ATRNL1: variants seen among roughly 807,000 people sequenced by gnomAD.
The protein encoded by ATRNL1 is attractin like 1, also known as attractin-like protein 1.
ATRNL1 carries 95 observed loss-of-function variants against 182.7 expected under a neutral mutation model. That is an observed-to-expected ratio of 0.52 (90% CI 0.44 to 0.62). ATRNL1 has a LOEUF of 0.62. ATRNL1 is among the 20% of genes least tolerant of loss of function. The pLI is 0.00. For missense variants in ATRNL1, 1,471 were observed against 1,679.5 expected, an observed-to-expected ratio of 0.88 and a Z score of 2.17; for synonymous variants, 576 against 568.3, an observed-to-expected ratio of 1.01 and a Z score of -0.19.
At chr10:115,554,529 C>A in intron 26 of ATRNL1, among the ~76,000 whole-genome samples, 1 of 151,570 alleles carries the variant, frequency 6.6e-6, no homozygotes, top group Middle Eastern at 3.4e-3. Flanking sequence ...ATATTATAGA[C>A]AAATTGATAA....
chr10:115,867,627 T>G (rs1001653909), intron 28 of ATRNL1, among the ~76,000 whole-genome samples: 15 of 152,322 alleles, frequency 9.8e-5, no homozygotes, highest in African/African-American at 3.4e-4. Flanking sequence ...CGCTTCCATC[T>G]TATATTTTTT....
intron 13 of ATRNL1, among the ~76,000 whole-genome samples, chr10:115,270,308 T>C (rs1263375661): frequency 7.0e-6 from 1 of 142,290 alleles, no homozygotes; most frequent in Non-Finnish European, 1.5e-5. Flanking sequence ...TATTTGTTTA[T>C]ATATTATATA....
At chr10:115,922,114 C>T (rs539551527) in intron 28 of ATRNL1, among the ~76,000 whole-genome samples, 1 of 152,132 alleles carries the variant, frequency 6.6e-6, no homozygotes, top group African/African-American at 2.4e-5. Flanking sequence ...ACCCTGCCCC[C>T]ACGTTCACTG....
At chr10:115,436,174 G>C (rs1425683079) in intron 21 of ATRNL1, among the ~76,000 whole-genome samples, 9 of 151,936 alleles carry the variant, frequency 5.9e-5, no homozygotes, top group African/African-American at 2.2e-4. Context: ...TTCAAGGTTT[G>C]TTTTCTTCAT....
At chr10:115,517,650 G>A (rs1322321457) in intron 24 of ATRNL1, among the ~76,000 whole-genome samples, 1 of 151,132 alleles carries the variant, frequency 6.6e-6, no homozygotes, top group Non-Finnish European at 1.5e-5. Context: ...TTTTCATTTA[G>A]GTATTTATCA....
intron 19 of ATRNL1, among the ~76,000 whole-genome samples, chr10:115,368,013 G>A (rs975541468): frequency 3.3e-5 from 5 of 152,102 alleles, no homozygotes; most frequent in African/African-American, 7.2e-5. Flanking sequence ...GCCTACAGAG[G>A]CAGGCAGGCC....
intron 10 of ATRNL1, among the ~76,000 whole-genome samples, chr10:115,244,858 G>T (rs1378891324): frequency 6.6e-6 from 1 of 152,068 alleles, no homozygotes; most frequent in East Asian, 1.9e-4. Flanking sequence ...TAATCAAAAA[G>T]ATAATAGAGG....
chr10:115,807,881 C>T (rs1285686653), intron 27 of ATRNL1, among the ~76,000 whole-genome samples: 4 of 152,066 alleles, frequency 2.6e-5, no homozygotes, highest in African/African-American at 7.2e-5. Context: ...CTCATCTGAG[C>T]GTGTCTTGTT....
At chr10:115,759,718 C>G (rs1948684443) in intron 27 of ATRNL1, among the ~76,000 whole-genome samples, 1 of 151,276 alleles carries the variant, frequency 6.6e-6, no homozygotes, top group Non-Finnish European at 1.5e-5. Flanking sequence ...CCCTGTCGCC[C>G]CGGCTGGAGT....
At chr10:115,203,533 G>A (rs1463806153) in intron 8 of ATRNL1, among the ~76,000 whole-genome samples, 2 of 149,950 alleles carry the variant, frequency 1.3e-5, no homozygotes, top group Non-Finnish European at 3.0e-5. Context: ...GTTTACTTTT[G>A]AGCCTCTTAG....
chr10:115,528,027 C>CTCCT (rs1565133418), intron 25 of ATRNL1, among the ~76,000 whole-genome samples: 3 of 47,470 alleles, frequency 6.3e-5, no homozygotes, highest in Non-Finnish European at 7.4e-5. Flanking sequence ...CCTTCCTTCC[C>CTCCT]TCCTTCCTTT....
At chr10:115,218,416 G>A (rs1181529385) in intron 9 of ATRNL1, among the ~76,000 whole-genome samples, 1 of 152,098 alleles carries the variant, frequency 6.6e-6, no homozygotes, top group Non-Finnish European at 1.5e-5. Context: ...TACTTTTAAG[G>A]CTACTGTCAT....
At position 115,266,975 on chromosome 10, in the gene ATRNL1, A is replaced by G. The variant is rs782211060; in HGVS notation, c.1951A>G (p.Ile651Val). 1 of 1,611,400 alleles carries G rather than the reference A, an allele frequency of 6.2e-7. No homozygotes were observed. The highest frequency in any genetic ancestry group is 2.2e-5 in the East Asian group (1 of 44,692). ...TTGGGAATCTGGGAATACTAATAATATTCTTAGAGCAAAGTGCCCTCCTAA... is the reference window on the plus strand; with the variant it reads ...TTGGGAATCTGGGAATACTAATAATGTTCTTAGAGCAAAGTGCCCTCCTAA... ...ESWESGNTNN[I>V]LRAKCPPKTA... Residue 651 changes from isoleucine to valine, a missense_variant, in exon 12 of 29, where the codon ATT becomes GTT. By Grantham distance (29) the Ile-to-Val change is conservative. Transcript: ENST00000355044.
intron 18 of ATRNL1, among the ~76,000 whole-genome samples, chr10:115,319,335 A>G (rs1276607383): frequency 6.6e-6 from 1 of 152,188 alleles, no homozygotes; most frequent in Non-Finnish European, 1.5e-5. Flanking sequence ...AATAAGTGCC[A>G]TGTGGCACTG....
chr10:115,246,160 T>A (rs1850629171), intron 10 of ATRNL1, among the ~76,000 whole-genome samples: 1 of 152,198 alleles, frequency 6.6e-6, no homozygotes, highest in Non-Finnish European at 1.5e-5. Flanking sequence ...TATTGTTACA[T>A]CTGTGTAGTG....
rs782766765 is a variant in ATRNL1, at chr10:115,281,498, C to T, written c.2233+11C>T. The T allele has an allele frequency of 6.2e-6, 10 of 1,610,830 alleles. No individual in the cohort carries two copies. In the Admixed American group the frequency reaches 1.5e-4, roughly 24 times the overall value. On this transcript the variant is annotated intron_variant, in intron 14 of 28. Coordinates refer to ENST00000355044, the MANE Select transcript of ATRNL1 (RefSeq NM_207303.4). ...GCCAGGCTTTACCAGGTAAAGATTT[C>T]AAAATTTAGTAAATGAGTTTATGGT...
At chr10:115,766,555 T>C (rs1555075086) in intron 27 of ATRNL1, among the ~76,000 whole-genome samples, 3 of 152,160 alleles carry the variant, frequency 2.0e-5, no homozygotes, top group African/African-American at 7.2e-5. Flanking sequence ...TAGTATCTCA[T>C]AGTTTTAACT....
chr10:115,583,323 CT>C (rs1855261784), intron 26 of ATRNL1, among the ~76,000 whole-genome samples: 1 of 105,256 alleles, frequency 9.5e-6, no homozygotes, highest in South Asian at 4.3e-4. Flanking sequence ...TTGAATCTAT[CT>C]GTAAATTACC....
chr10:115,823,540 G>A (rs1383242036), intron 27 of ATRNL1, among the ~76,000 whole-genome samples: 1 of 152,154 alleles, frequency 6.6e-6, no homozygotes. Context: ...CATTGTCTCA[G>A]CCCAAAATCA....
Sources: gnomAD v4.1 joint callset for allele counts (sites outside exome capture counted in the v4.1 genomes callset) on GRCh38, gnomAD v4.1.1 for gene constraint, MANE v1.5 for transcripts, NCBI Gene and HGNC (gene_info 2026-07-23, HGNC 2026-07-21) for gene names.